The following BRF1 variants were observed in gnomAD, a reference collection of about 807,000 sequenced individuals.
BRF1 encodes transcription factor IIIB 90 kDa subunit.
In BRF1, 59 loss-of-function variants were observed where a neutral mutation model predicts 81.7. The ratio of observed to expected loss-of-function variants is 0.72; its 90% confidence interval spans 0.59 to 0.90. The LOEUF (loss-of-function observed/expected upper bound fraction) is 0.90, where lower values mean the gene tolerates loss of function less well. Ranked by LOEUF, BRF1 falls within the 40% of genes least tolerant of loss-of-function variation. BRF1 has a pLI of 0.00. For missense variants in BRF1, 1,050 were observed against 936.3 expected, an observed-to-expected ratio of 1.12 and a Z score of -1.58; for synonymous variants, 491 against 395.6, an observed-to-expected ratio of 1.24 and a Z score of -2.86.
rs941284304 is a variant in BRF1, at chr14:105,300,973, C to G, written c.-344G>C. On this transcript the variant is annotated 5_prime_UTR_variant, in exon 1 of 18. Transcript: ENST00000547530. The stretch of plus-strand genomic sequence containing the variant: ...GGGCTTCGGCGGAACCCGAGCGGGG[C>G]CTACCGGTGAGCGCAGCCGAGGACT... 1.9e-5 allele frequency: 3 copies of G among 153,934 alleles called. No individual in the cohort carries two copies. In the Admixed American group the frequency reaches 2.0e-4, roughly 10 times the overall value. 9.5% of individuals were successfully genotyped at this position (153,934 alleles called of 1,614,324 possible). A position where few individuals can be genotyped will look rare whatever the true frequency, so the allele number is the denominator to read the frequency against.
chr14:105,277,947 G>T (rs1168938300), intron 2 of BRF1, among the ~76,000 whole-genome samples: 1 of 152,102 alleles, frequency 6.6e-6, no homozygotes, highest in East Asian at 1.9e-4. Context: ...GTACAGACAG[G>T]GTTTCACACT....
chr14:105,228,871 A>G lies in BRF1; in HGVS notation c.737T>C (p.Val246Ala). ...TTTGACCACACTGATGACCTCCTTC[A>G]CAGTCCTCCTGAAGTCATGCATTCT... ...AARMHDFRRT[V>A]KEVISVVKVC... Residue 246 changes from valine to alanine, a missense_variant, in exon 7 of 18, where the codon GTG becomes GCG. Val to Ala is a moderately conservative substitution (Grantham distance 64, BLOSUM62 0). This residue lies in a region of BRF1 where 1,043 missense variants were observed against 915.4 expected (regional missense o/e 1.14). Transcript: ENST00000547530. The G allele has an allele frequency of 2.5e-6, 4 of 1,613,852 alleles. No homozygotes were observed. Among genetic ancestry groups the G allele is most frequent in the East Asian group, 2.2e-5 (1 of 44,888 alleles).
rs373646560 is a variant in BRF1 at position 105,241,253 on chromosome 14, G to T, written c.694+12C>A. ...AGACCAGCATCCCCCAGGCAGGCAG[G>T]GCCCGCTGTACCTGCTCCGCAGAGG... is the stretch of plus-strand genomic sequence containing the variant. On this transcript the variant is annotated intron_variant, in intron 6 of 17. Coordinates refer to ENST00000547530, the MANE Select transcript of BRF1 (RefSeq NM_001519.4). The T allele has an allele frequency of 1.1e-5, 18 of 1,609,482 alleles. No individual in the cohort carries two copies. In the African/African-American group the frequency reaches 2.3e-4, roughly 20 times the overall value.
intron 1 of BRF1, among the ~76,000 whole-genome samples, chr14:105,308,916 G>T (rs2058269725): frequency 6.6e-6 from 1 of 152,062 alleles, no homozygotes; most frequent in Admixed American, 6.5e-5. Flanking sequence ...CTGGCCTACA[G>T]TGAGCCATGA....
chr14:105,222,789 C>T (rs1050769932), intron 10 of BRF1, among the ~76,000 whole-genome samples: 4 of 152,170 alleles, frequency 2.6e-5, no homozygotes, highest in Non-Finnish European at 5.9e-5. Context: ...CCACCACACC[C>T]GGCTAATTTT....
chr14:105,275,674 C>A (rs2056852190), intron 2 of BRF1, among the ~76,000 whole-genome samples: 1 of 152,258 alleles, frequency 6.6e-6, no homozygotes, highest in Non-Finnish European at 1.5e-5. Context: ...CGATCCCAAG[C>A]CCCGACCCCA....
chr14:105,214,077 G>A (rs7147888), intron 15 of BRF1, among the ~76,000 whole-genome samples: 52,419 of 152,176 alleles, frequency 0.34, 10,965 homozygotes, highest in African/African-American at 0.59. Flanking sequence ...CCACTGTTGG[G>A]CTCAGGCTGC....
At chr14:105,227,059 C>T (rs112623179) in intron 7 of BRF1, 5 of 342,218 alleles carry the variant, frequency 1.5e-5, no homozygotes, top group Admixed American at 4.9e-5. Context: ...GAGGCTGTAA[C>T]GAGCTGTGAT....
At chr14:105,308,185 C>A (rs587693371) in intron 1 of BRF1, among the ~76,000 whole-genome samples, 3 of 151,084 alleles carry the variant, frequency 2.0e-5, no homozygotes, top group East Asian at 2.0e-4. Context: ...TCTGTCCCCC[C>A]CAAAAAAACA....
intron 5 of BRF1, among the ~76,000 whole-genome samples, chr14:105,246,703 C>A (rs1000250251): frequency 6.6e-6 from 1 of 151,004 alleles, no homozygotes; most frequent in Non-Finnish European, 1.5e-5. Flanking sequence ...GTGATCCGCC[C>A]ACCTTGGCCT....
At chr14:105,312,668 A>G (rs775097467) in intron 1 of BRF1, among the ~76,000 whole-genome samples, 81 of 152,218 alleles carry the variant, frequency 5.3e-4, no homozygotes, top group Non-Finnish European at 1.0e-3. Context: ...GCACAGCATC[A>G]TTTTCCGACA....
At chr14:105,302,205 T>C (rs1281131283), upstream of BRF1, among the ~76,000 whole-genome samples, 1 of 134,224 alleles carries the variant, frequency 7.5e-6, no homozygotes, top group East Asian at 2.1e-4. Flanking sequence ...TTTTTCTTTC[T>C]TTTTTTTTTT....
Position 105,212,470 on chromosome 14 carries a change from G to A in BRF1, c.1773-306C>T, listed in dbSNP as rs1595231278. 2.1e-5 allele frequency: 8 copies of A among 377,910 alleles called. No individual in the cohort carries two copies. The South Asian group carries it at 2.2e-4, about 11-fold the overall frequency. 23.4% of individuals were successfully genotyped at this position (377,910 alleles called of 1,614,324 possible). On this transcript the variant is annotated intron_variant, in intron 15 of 17. Coordinates refer to ENST00000547530, the MANE Select transcript of BRF1 (RefSeq NM_001519.4). The stretch of plus-strand genomic sequence containing the variant: ...CTGAGCCCTCAAGGAGCTGCCTGGT[G>A]CCCTACCTCACTCAGGGAGGAGGGG...
At chr14:105,241,120 C>T (rs760874631) in intron 6 of BRF1, 145 bp downstream of exon 6, 52 of 1,340,360 alleles carry the variant, frequency 3.9e-5, no homozygotes, top group Non-Finnish European at 5.0e-5. Flanking sequence ...CCCCGGTGGG[C>T]CAGGCCAGAG....
intron 5 of BRF1, among the ~76,000 whole-genome samples, chr14:105,251,481 C>A (rs886814780): frequency 1.3e-5 from 2 of 152,218 alleles, no homozygotes; most frequent in Non-Finnish European, 2.9e-5. Context: ...CTCTCCCACC[C>A]CTTGTCTCTC....
chr14:105,256,208 T>A, intron 4 of BRF1: 1 of 1,533,830 alleles, frequency 6.5e-7, no homozygotes, highest in Non-Finnish European at 8.7e-7. Flanking sequence ...AATTTTTTAA[T>A]TGAAAATAAT....
At chr14:105,249,281 C>T (rs1402734484) in intron 5 of BRF1, 4 of 1,555,412 alleles carry the variant, frequency 2.6e-6, no homozygotes, top group African/African-American at 2.7e-5. Flanking sequence ...GAACGCGTGC[C>T]CCGTCCGCCC....
At chr14:105,313,912 T>A (rs2058429668) in intron 1 of BRF1, among the ~76,000 whole-genome samples, 1 of 152,218 alleles carries the variant, frequency 6.6e-6, no homozygotes. Flanking sequence ...CATTGCCTCC[T>A]CTTTGCTTGG....
chr14:105,211,839 C>T (rs931543191), intron 16 of BRF1: 48 of 534,528 alleles, frequency 9.0e-5, no homozygotes, highest in African/African-American at 8.6e-4. Context: ...TCCCTGCAGG[C>T]ACCAGGCCCA....
Sources: allele counts gnomAD v4.1 joint callset (sites outside exome capture counted in the v4.1 genomes callset), GRCh38; gene constraint gnomAD v4.1.1; regional missense constraint gnomAD v4.1.1; transcripts MANE v1.5; gene names NCBI Gene and HGNC (gene_info 2026-07-23, HGNC 2026-07-21).